Variants in GABRG1 observed in about 807,000 individuals in gnomAD.
GABRG1 encodes the protein gamma-aminobutyric acid receptor subunit gamma-1.
GABRG1 carries 49 observed loss-of-function variants against 49.8 expected under a neutral mutation model. That is an observed-to-expected ratio of 0.98 (90% confidence interval 0.78 to 1.25). The LOEUF is 1.25. GABRG1 is among the 50% of genes most tolerant of loss of function. The probability of loss-of-function intolerance (pLI) is 0.00; values close to 1 mark genes in which losing one functional copy is unlikely to be tolerated. For synonymous variants in GABRG1, 232 were observed against 185.1 expected, an observed-to-expected ratio of 1.25 and a Z score of -2.06; for missense variants, 552 against 552.3, an observed-to-expected ratio of 1.00 and a Z score of 0.01.
At chr4:46,118,002 A>G (rs1370414387) in intron 1 of GABRG1, among the ~76,000 whole-genome samples, 4 of 114,088 alleles carry the variant, frequency 3.5e-5, no homozygotes, top group Non-Finnish European at 6.8e-5. Flanking sequence ...ATACATATAT[A>G]CATATGTATA....
intron 2 of GABRG1, among the ~76,000 whole-genome samples, chr4:46,096,838 T>A (rs938723409): frequency 2.0e-5 from 3 of 151,704 alleles, no homozygotes; most frequent in African/African-American, 7.2e-5. Flanking sequence ...TGAAAAAGTA[T>A]AATTTTGGAA....
chr4:46,082,508 C>T (rs1001415616), intron 3 of GABRG1, among the ~76,000 whole-genome samples: 1 of 151,740 alleles, frequency 6.6e-6, no homozygotes, highest in African/African-American at 2.4e-5. Flanking sequence ...CTCAGGGATC[C>T]ATGGCAAAAA....
At position 46,123,937 on chromosome 4, in the gene GABRG1, T is replaced by A. The variant is rs751167511; in HGVS notation, c.-24A>T. On this transcript the variant is annotated 5_prime_UTR_variant, in exon 1 of 9. Transcript: ENST00000295452. ...ATCGGAATCGCTTTTTTACGTGTGCTGCACTAGCTCAATTCTCCCAGCCAG... is the reference window on the plus strand; with the variant it reads ...ATCGGAATCGCTTTTTTACGTGTGCAGCACTAGCTCAATTCTCCCAGCCAG... 1.9e-6 allele frequency: 3 copies of A among 1,555,100 alleles called. No individual in the cohort carries two copies. The highest frequency in any genetic ancestry group is 2.2e-5 in the South Asian group (2 of 89,664).
At chr4:46,111,197 G>A (rs1478872944) in intron 1 of GABRG1, among the ~76,000 whole-genome samples, 12 of 150,706 alleles carry the variant, frequency 8.0e-5, no homozygotes, top group East Asian at 2.0e-4. Context: ...ATTTCTATAC[G>A]AAAATAATGT....
At chr4:46,112,495 A>C (rs964318935) in intron 1 of GABRG1, among the ~76,000 whole-genome samples, 4 of 151,348 alleles carry the variant, frequency 2.6e-5, no homozygotes, top group Non-Finnish European at 4.4e-5. Context: ...TATATATCCA[A>C]AAGAAAACAA....
At chr4:46,123,069 C>T (rs1337485779) in intron 1 of GABRG1, among the ~76,000 whole-genome samples, 2 of 143,306 alleles carry the variant, frequency 1.4e-5, no homozygotes, top group Admixed American at 7.1e-5. Flanking sequence ...TGACACTTTT[C>T]TCTCTCTCTC....
chr4:46,111,775 G>C (rs997877526), intron 1 of GABRG1, among the ~76,000 whole-genome samples: 3 of 151,090 alleles, frequency 2.0e-5, no homozygotes, highest in Admixed American at 6.6e-5. Context: ...TGCTGGAATA[G>C]TTGGCTAGCC....
At chr4:46,063,155 T>C (rs1156826749) in intron 5 of GABRG1, among the ~76,000 whole-genome samples, 1 of 151,728 alleles carries the variant, frequency 6.6e-6, no homozygotes, top group Non-Finnish European at 1.5e-5. Flanking sequence ...CTTCACAGAA[T>C]TGGAAAAAAC....
Position 46,037,163 on chromosome 4 carries a change from T to C in GABRG1, c.*3825A>G, listed in dbSNP as rs1717563578. On this transcript the variant is annotated 3_prime_UTR_variant, in exon 9 of 9. Transcript: ENST00000295452. ...GACTACATTATATGTTCCTTGAAAG[T>C]CATCTTTATATTCCCTTTTGTATTT... 6.6e-6 allele frequency: 1 copy of C among 151,872 alleles called. No individual in the cohort carries two copies. The highest frequency in any genetic ancestry group is 2.4e-5 in the African/African-American group (1 of 41,402). The allele number at this position is 151,872 out of a possible 1,614,324, so 9.4% of individuals were successfully genotyped here. A position where few individuals can be genotyped will look rare whatever the true frequency, so the allele number is the denominator to read the frequency against.
At chr4:46,097,435 T>A (rs1387489858) in intron 1 of GABRG1, 86 bp from the exon 2 acceptor site, 3 of 1,290,318 alleles carry the variant, frequency 2.3e-6, no homozygotes, top group African/African-American at 1.5e-5. Context: ...TACAATTGAG[T>A]AAGAAAGTAA....
chr4:46,088,831 G>GTGTT (rs1553882216), intron 2 of GABRG1, among the ~76,000 whole-genome samples: 10 of 150,870 alleles, frequency 6.6e-5, no homozygotes, highest in Non-Finnish European at 1.3e-4. Flanking sequence ...GTGTGTGTGT[G>GTGTT]TGTGTGTGTG....
At chr4:46,091,594 A>G (rs901641904) in intron 2 of GABRG1, among the ~76,000 whole-genome samples, 5 of 152,078 alleles carry the variant, frequency 3.3e-5, no homozygotes, top group African/African-American at 1.2e-4. Context: ...TCAGGTGTAA[A>G]TACTACCAGT....
chr4:46,047,076 A>AC (rs1254580738), intron 8 of GABRG1, among the ~76,000 whole-genome samples: 5 of 152,132 alleles, frequency 3.3e-5, no homozygotes, highest in African/African-American at 1.2e-4. Flanking sequence ...ACAATGTTCT[A>AC]CATCTACACT....
chr4:46,058,090 C>T lies in GABRG1; in HGVS notation c.916+127G>A, dbSNP rs138351775. The T allele has an allele frequency of 8.4e-5, 64 of 761,546 alleles. No homozygotes were observed. In the African/African-American group the frequency reaches 1.0e-3, roughly 12 times the overall value. 47.2% of individuals were successfully genotyped at this position (761,546 alleles called of 1,614,324 possible). On this transcript the variant is annotated intron_variant, in intron 7 of 8. Coordinates refer to ENST00000295452, the MANE Select transcript of GABRG1 (RefSeq NM_173536.4). ...TTCAACATGGTATTGTCCCTTAGTT[C>T]CTGTCAATTTTTTTCCTGACTGTAG...
intron 1 of GABRG1, among the ~76,000 whole-genome samples, chr4:46,112,643 G>A (rs1447511219): frequency 6.6e-6 from 1 of 150,930 alleles, no homozygotes; most frequent in Non-Finnish European, 1.5e-5. Flanking sequence ...ACACTACATA[G>A]CCATAAAAAA....
At chr4:46,047,818 G>T (rs1718061681) in intron 8 of GABRG1, among the ~76,000 whole-genome samples, 1 of 151,790 alleles carries the variant, frequency 6.6e-6, no homozygotes, top group Non-Finnish European at 1.5e-5. Context: ...TATTTATATT[G>T]TATCTTATTA....
chr4:46,083,933 G>T (rs1214360973), intron 3 of GABRG1, 53 bp downstream of exon 3: 1 of 918,142 alleles, frequency 1.1e-6, no homozygotes, highest in South Asian at 1.5e-5. Context: ...TATTTTGGAG[G>T]TATACACGAG....
chr4:46,072,586 T>C (rs1432576858), intron 3 of GABRG1, among the ~76,000 whole-genome samples: 4 of 152,110 alleles, frequency 2.6e-5, no homozygotes, highest in Non-Finnish European at 4.4e-5. Flanking sequence ...CTCTGAAGTT[T>C]GCTTCATATT....
At chr4:46,085,227 C>T (rs1022471919) in intron 2 of GABRG1, among the ~76,000 whole-genome samples, 3 of 151,346 alleles carry the variant, frequency 2.0e-5, no homozygotes, top group African/African-American at 7.3e-5. Context: ...ATGTTTTCTA[C>T]ATTTACAATG....
Sources: gnomAD v4.1 joint callset for allele counts (sites outside exome capture counted in the v4.1 genomes callset) on GRCh38, gnomAD v4.1.1 for gene constraint, MANE v1.5 for transcripts, NCBI Gene and HGNC (gene_info 2026-07-23, HGNC 2026-07-21) for gene names.